MTCH1: variants seen among roughly 807,000 people sequenced by gnomAD.
MTCH1 encodes the protein mitochondrial carrier homolog 1.
A neutral mutation model predicts 49.3 loss-of-function variants in MTCH1; 23 were observed. That is an observed-to-expected ratio of 0.47 (90% confidence interval 0.34 to 0.66). The LOEUF is 0.66. Ranked by LOEUF, MTCH1 falls within the 30% of genes least tolerant of loss-of-function variation. MTCH1 has a pLI of 0.01. For synonymous variants in MTCH1, 229 were observed against 215.2 expected, an observed-to-expected ratio of 1.06 and a Z score of -0.56; for missense variants, 397 against 532.1, an observed-to-expected ratio of 0.75 and a Z score of 2.50.
Position 36,973,996 on chromosome 6 carries a change from A to G in MTCH1, c.762-1200T>C, listed in dbSNP as rs1414711227. On this transcript the variant is annotated intron_variant, in intron 7 of 11. Transcript: ENST00000373627. Reference sequence around the variant, plus strand: ...AAAGCACAGACAGAACCCAGAAGCCAGGCTTGATGAGTTGTTTTTTGACTT... The same window carrying G: ...AAAGCACAGACAGAACCCAGAAGCCGGGCTTGATGAGTTGTTTTTTGACTT... Among the ~76,000 whole-genome samples, 3 of 152,234 alleles carry G rather than the reference A, an allele frequency of 2.0e-5. No individual in the cohort carries two copies. In the East Asian group the frequency reaches 5.8e-4, roughly 29 times the overall value.
Position 36,977,646 on chromosome 6 carries a change from G to T in MTCH1, c.637C>A (p.His213Asn). 6.2e-7 allele frequency: 1 copy of T among 1,609,762 alleles called. No homozygotes were observed. Residue 213 changes from histidine (H) to asparagine (N), a missense_variant, in exon 5 of 12, where the codon CAC becomes AAC. By Grantham distance (68) the His-to-Asn change is moderately conservative. Transcript: ENST00000373627. This position sits in a 1 kb window ranked among gnomAD's most constrained non-coding sequence, Gnocchi z 5.4. ...MMQCVSRMLA[H>N]PLHVISMRCM... ...GGGGGTGGCTTACCATGCAGGGGGT[G>T]GGCCAACATGCGGGACACACACTGC...
intron 8 of MTCH1, among the ~76,000 whole-genome samples, chr6:36,971,773 C>T (rs1347098371): frequency 6.6e-6 from 1 of 152,104 alleles, no homozygotes; most frequent in Non-Finnish European, 1.5e-5. Flanking sequence ...GCCCTCCTAG[C>T]CTCCTGGGAG....
At chr6:36,973,401 G>T (rs1040677696) in intron 7 of MTCH1, among the ~76,000 whole-genome samples, 2 of 152,054 alleles carry the variant, frequency 1.3e-5, no homozygotes, top group Non-Finnish European at 2.9e-5. Flanking sequence ...GTGTTTGCTT[G>T]TTTAGGTACA....
chr6:36,974,553 G>A (rs765653333), intron 7 of MTCH1, among the ~76,000 whole-genome samples: 24 of 151,966 alleles, frequency 1.6e-4, no homozygotes, highest in Admixed American at 2.0e-4. Context: ...TCTTTGTTGC[G>A]GGGCTGTCCT....
intron 3 of MTCH1, 143 bp downstream of exon 3, chr6:36,978,362 G>T: frequency 3.4e-6 from 3 of 895,370 alleles, no homozygotes; most frequent in Non-Finnish European, 5.2e-6. Context: ...GAACTGTGGG[G>T]TGGGAGCTCC....
Position 36,972,662 on chromosome 6 carries a change from G to A in MTCH1, c.896C>T (p.Pro299Leu). The change falls in exon 8 of 12, where the codon CCA (proline) becomes CTA (leucine). Residue 299 changes from proline to leucine, a missense_variant. Physicochemically the swap from Pro to Leu is moderately conservative, Grantham distance 98. This residue lies in a region of MTCH1 where 252 missense variants were observed against 388.3 expected (regional missense o/e 0.65). Transcript: ENST00000373627. This position sits in a 1 kb window ranked among gnomAD's most constrained non-coding sequence, Gnocchi z 4.1. Reference protein sequence around the residue: ...TPGGLGNDQNPGSQFSQALAI... With the variant: ...TPGGLGNDQNLGSQFSQALAI... The stretch of plus-strand genomic sequence containing the variant: ...CTTGTTCCAACCAACCTGGGAACCT[G>A]GATTCTGGTCGTTTCCCAGCCCCCC... 1.3e-6 allele frequency: 2 copies of A among 1,550,982 alleles called. No homozygotes were observed. Among genetic ancestry groups the A allele is most frequent in the Non-Finnish European group, 1.7e-6 (2 of 1,146,344 alleles).
At position 36,978,001 on chromosome 6, in the gene MTCH1, G is replaced by A. The variant is rs1763952810; in HGVS notation, c.591+77C>T. On this transcript the variant is annotated intron_variant, in intron 4 of 11. Transcript: ENST00000373627. ...GGACCCAACTCTTCGACTTGTCAATGACCCGCCCAACTTGGGGGTGAGAAA... is the reference window on the plus strand; with the variant it reads ...GGACCCAACTCTTCGACTTGTCAATAACCCGCCCAACTTGGGGGTGAGAAA... 22 of 1,319,068 alleles carry A rather than the reference G, an allele frequency of 1.7e-5. No individual in the cohort carries two copies. In the South Asian group the frequency reaches 2.5e-4, roughly 15 times the overall value. The allele number at this position is 1,319,068 out of a possible 1,614,324, so 81.7% of individuals were successfully genotyped here.
rs781113570 is a variant in MTCH1 at position 36,978,484 on chromosome 6, C to A, written c.513+21G>T. The A allele has an allele frequency of 3.1e-6, 5 of 1,611,580 alleles. No individual in the cohort carries two copies. The South Asian group carries it at 5.5e-5, about 18-fold the overall frequency. ...TATGAGGAAACCTCGGGCGACTGTT[C>A]CTGGCTTTGTGTGGGCTCACCTTCT... On this transcript the variant is annotated intron_variant, in intron 3 of 11. Coordinates refer to ENST00000373627, the MANE Select transcript of MTCH1 (RefSeq NM_001271641.2).
chr6:36,979,118 G>A (rs1310784084), intron 2 of MTCH1, among the ~76,000 whole-genome samples: 3 of 152,036 alleles, frequency 2.0e-5, no homozygotes, highest in East Asian at 1.9e-4. Flanking sequence ...GCTCAAGAAC[G>A]CCCCCTGCAC....
chr6:36,976,488 A>T (rs1213986167), intron 6 of MTCH1: 3 of 470,528 alleles, frequency 6.4e-6, no homozygotes, highest in Non-Finnish European at 1.3e-5. Context: ...TTCTGGTCCC[A>T]ACTACCAACC....
chr6:36,976,019 C>A (rs1214816563), intron 6 of MTCH1, among the ~76,000 whole-genome samples: 1 of 152,202 alleles, frequency 6.6e-6, no homozygotes, highest in Non-Finnish European at 1.5e-5. Flanking sequence ...CTAACTTGGG[C>A]CACTGCTGCA....
chr6:36,986,498 A>T (rs371300598), upstream of MTCH1, among the ~76,000 whole-genome samples: 2 of 152,060 alleles, frequency 1.3e-5, no homozygotes, highest in African/African-American at 4.8e-5. Flanking sequence ...GACGTCCCCA[A>T]TATGGTCTGA....
In MTCH1 at chr6:36,983,697, G is replaced by A. The variant is rs534602179; in HGVS notation, c.322-2025C>T. On this transcript the variant is annotated intron_variant, in intron 1 of 11. Coordinates refer to ENST00000373627, the MANE Select transcript of MTCH1 (RefSeq NM_001271641.2). ...GACAGTCTGTCATCTTAAAATCTCCGACTCCCAAACCTGACAGCCACATGC... is the reference window on the plus strand; with the variant it reads ...GACAGTCTGTCATCTTAAAATCTCCAACTCCCAAACCTGACAGCCACATGC... Among the ~76,000 whole-genome samples the A allele has an allele frequency of 3.3e-5, 5 of 152,118 alleles. No individual in the cohort carries two copies. In the East Asian group the frequency reaches 7.7e-4, roughly 23 times the overall value.
intron 2 of MTCH1, among the ~76,000 whole-genome samples, chr6:36,978,875 C>CATT (rs1491325260): frequency 3.1e-4 from 31 of 100,416 alleles, no homozygotes; most frequent in South Asian, 3.6e-4. Flanking sequence ...TCCCTCCCTC[C>CATT]TTTTTTTTTT....
intron 1 of MTCH1, among the ~76,000 whole-genome samples, chr6:36,984,849 G>A (rs567966475): frequency 6.6e-6 from 1 of 152,082 alleles, no homozygotes; most frequent in East Asian, 1.9e-4. Context: ...TACCTATCCT[G>A]CCACCTATGT....
chr6:36,981,254 C>T (rs1204815705), intron 2 of MTCH1, among the ~76,000 whole-genome samples: 1 of 152,146 alleles, frequency 6.6e-6, no homozygotes. Flanking sequence ...GAAATCACCC[C>T]CACGCATGTT....
chr6:36,986,129 A>G lies in MTCH1; in HGVS notation c.45T>C (p.Gly15=). ...CTCCGGCTCCCGCCATCCCCGCGGC[A>G]CCGCCGCGAGCCCAGGGCGCCACTT... ...DPEVAPWARG[G]AAGMAGAGAG... is the part of the protein sequence containing the mutation. Residue 15 remains glycine, a synonymous_variant, in exon 1 of 12, where the codon GGT becomes GGC. Coordinates refer to ENST00000373627, the MANE Select transcript of MTCH1 (RefSeq NM_001271641.2). 7.0e-7 allele frequency: 1 copy of G among 1,435,784 alleles called. No individual in the cohort carries two copies. Among genetic ancestry groups the G allele is most frequent in the Non-Finnish European group, 9.1e-7 (1 of 1,103,814 alleles). The allele number at this position is 1,435,784 out of a possible 1,614,324, so 88.9% of individuals were successfully genotyped here.
chr6:36,979,901 C>T (rs1005728288), intron 2 of MTCH1, among the ~76,000 whole-genome samples: 6 of 152,160 alleles, frequency 3.9e-5, no homozygotes, highest in African/African-American at 7.2e-5. Flanking sequence ...CAAGTGAGAG[C>T]GGAGGGAGGC....
In MTCH1 at chr6:36,969,923, T is replaced by C. The variant is rs1763614284; in HGVS notation, c.1098+116A>G. The C allele has an allele frequency of 9.7e-6, 15 of 1,551,400 alleles. No homozygotes were observed. In the East Asian group the frequency reaches 2.0e-4, roughly 20 times the overall value. On this transcript the variant is annotated intron_variant, in intron 11 of 11. Coordinates refer to ENST00000373627, the MANE Select transcript of MTCH1 (RefSeq NM_001271641.2). ...ATAGATACCAAGTATCTCCTCACAA[T>C]ATTGAATTCCATGAAACCACTTATC...
Sources: gnomAD v4.1 joint callset for allele counts (sites outside exome capture counted in the v4.1 genomes callset) on GRCh38, gnomAD v4.1.1 for gene constraint, gnomAD v4.1.1 regional missense constraint, Gnocchi (gnomAD v3.1) non-coding constraint, MANE v1.5 for transcripts, NCBI Gene and HGNC (gene_info 2026-07-23, HGNC 2026-07-21) for gene names.